The following LRP1B variants were observed in gnomAD, a reference collection of about 807,000 sequenced individuals.
The protein encoded by LRP1B is low-density lipoprotein receptor-related protein 1B.
Under a neutral mutation model 556.6 loss-of-function variants are expected in LRP1B, and 217 were observed. The observed-to-expected ratio is 0.39, with a 90% CI of 0.35 to 0.44. The LOEUF (loss-of-function observed/expected upper bound fraction) is 0.44, where lower values mean the gene tolerates loss of function less well. LRP1B is among the 20% of genes least tolerant of loss of function. LRP1B has a pLI of 1.00. For synonymous variants in LRP1B, 2,047 were observed against 1,865.8 expected (o/e 1.10, Z -2.50); for missense variants, 5,053 against 5,620.8 (o/e 0.90, Z 3.23).
intron 41 of LRP1B, among the ~76,000 whole-genome samples, chr2:140,639,234 A>T (rs997668615): frequency 5.3e-5 from 8 of 152,184 alleles, no homozygotes; most frequent in Admixed American, 5.2e-4. Flanking sequence ...CACTCCAAAA[A>T]AATCTTTGTA....
chr2:142,086,825 A>G (rs915989320), intron 1 of LRP1B, among the ~76,000 whole-genome samples: 7 of 152,198 alleles, frequency 4.6e-5, no homozygotes, highest in African/African-American at 1.7e-4. Context: ...AGTTGAAAAG[A>G]CTGAATACTG....
chr2:140,921,204 AT>A lies in LRP1B; in HGVS notation c.3319+1760del, dbSNP rs572715771. Among the ~76,000 whole-genome samples the A allele has an allele frequency of 3.3e-3, 508 of 151,956 alleles. 2 individuals are homozygous for A. Among genetic ancestry groups the A allele is most frequent in the African/African-American group, 0.01 (420 of 41,528 alleles). On this transcript the variant is annotated intron_variant, in intron 21 of 90. Coordinates refer to ENST00000389484, the MANE Select transcript of LRP1B (RefSeq NM_018557.3). ...TTACATTACTGTGAATCTCCTTATA[AT>A]TTATTTCTGTATAGAGAAATTGCAG...
intron 2 of LRP1B, among the ~76,000 whole-genome samples, chr2:141,684,626 C>T (rs151134962): frequency 2.6e-5 from 4 of 151,812 alleles, no homozygotes; most frequent in African/African-American, 2.4e-5. Flanking sequence ...AATTGAACAG[C>T]GAGAACTCTG....
chr2:141,301,221 T>C (rs1397733067), intron 3 of LRP1B, among the ~76,000 whole-genome samples: 1 of 152,182 alleles, frequency 6.6e-6, no homozygotes, highest in Non-Finnish European at 1.5e-5. Flanking sequence ...ATTCTAACAT[T>C]ACTCCATGTG....
In LRP1B at chr2:141,908,369, A is replaced by C. The variant is rs147060753; in HGVS notation, c.83-97968T>G. On this transcript the variant is annotated intron_variant, in intron 1 of 90. Coordinates refer to ENST00000389484, the MANE Select transcript of LRP1B (RefSeq NM_018557.3). The stretch of plus-strand genomic sequence containing the variant: ...AATTAAACCCACTGTATATTTTACT[A>C]AGCAGCAGTCTCTGTTCTGGACATT... Among the ~76,000 whole-genome samples the C allele has an allele frequency of 2.7e-3, 410 of 152,166 alleles. 1 individual carries two copies. The highest frequency in any genetic ancestry group is 9.1e-3 in the African/African-American group (379 of 41,548).
At chr2:140,542,106 A>C in intron 43 of LRP1B, 135 bp from the exon 44 acceptor site, 1 of 552,764 alleles carries the variant, frequency 1.8e-6, no homozygotes, top group Non-Finnish European at 3.1e-6. Flanking sequence ...TAAAAATAAA[A>C]TTTTACTAAA....
chr2:140,268,632 T>C (rs1308431603), intron 86 of LRP1B, among the ~76,000 whole-genome samples: 1 of 151,930 alleles, frequency 6.6e-6, no homozygotes, highest in African/African-American at 2.4e-5. Flanking sequence ...AAAAATAATT[T>C]CCATTGTCAT....
chr2:140,872,107 G>A (rs1693152830), intron 25 of LRP1B, among the ~76,000 whole-genome samples: 1 of 71,070 alleles, frequency 1.4e-5, no homozygotes, highest in Admixed American at 1.5e-4. Context: ...TTGAGCAAAA[G>A]TTTTTTTATT....
chr2:141,198,348 C>T (rs1179459977), intron 6 of LRP1B, among the ~76,000 whole-genome samples: 1 of 152,074 alleles, frequency 6.6e-6, no homozygotes, highest in South Asian at 2.1e-4. Context: ...AGGCTCTGTG[C>T]CACATTACAG....
chr2:141,533,520 A>T (rs1377214369), intron 2 of LRP1B, among the ~76,000 whole-genome samples: 3 of 152,190 alleles, frequency 2.0e-5, no homozygotes, highest in African/African-American at 7.2e-5. Context: ...GATAAATGCT[A>T]TTTACAAGTT....
intron 41 of LRP1B, among the ~76,000 whole-genome samples, chr2:140,653,131 C>T (rs1684749119): frequency 6.6e-6 from 1 of 151,914 alleles, no homozygotes. Flanking sequence ...ACATAGGATG[C>T]TATATGGAAT....
intron 1 of LRP1B, among the ~76,000 whole-genome samples, chr2:141,973,326 C>CT (rs1214576860): frequency 1.3e-5 from 2 of 151,464 alleles, no homozygotes; most frequent in Non-Finnish European, 3.0e-5. Context: ...TGTTTGGGTA[C>CT]TTTTTATTGA....
intron 2 of LRP1B, among the ~76,000 whole-genome samples, chr2:141,538,787 TG>T (rs1360748731): frequency 1.3e-5 from 2 of 152,108 alleles, no homozygotes; most frequent in Non-Finnish European, 2.9e-5. Flanking sequence ...TATAAGCATG[TG>T]CTACCACACC....
rs1213140908 is a variant in LRP1B, at chr2:141,153,313, A to G, written c.1013+35108T>C. ...TATTTATATATAATATATTATATATATTAGCTATATATATTTATATAATAA... is the reference window on the plus strand; with the variant it reads ...TATTTATATATAATATATTATATATGTTAGCTATATATATTTATATAATAA... On this transcript the variant is annotated intron_variant, in intron 7 of 90. Coordinates refer to ENST00000389484, the MANE Select transcript of LRP1B (RefSeq NM_018557.3). Among the ~76,000 whole-genome samples the G allele has an allele frequency of 2.7e-4, 32 of 120,700 alleles. No homozygotes were observed. The East Asian group carries it at 7.8e-3, about 29-fold the overall frequency. 79.2% of individuals were successfully genotyped at this position (120,700 alleles called of 152,430 possible).
chr2:141,995,596 G>A (rs1292900096), intron 1 of LRP1B, among the ~76,000 whole-genome samples: 1 of 152,038 alleles, frequency 6.6e-6, no homozygotes, highest in Non-Finnish European at 1.5e-5. Context: ...GGCATTTTCA[G>A]GAGGCCATTA....
intron 1 of LRP1B, among the ~76,000 whole-genome samples, chr2:141,875,863 A>T (rs1698741318): frequency 6.6e-6 from 1 of 151,938 alleles, no homozygotes; most frequent in Non-Finnish European, 1.5e-5. Flanking sequence ...ATGTATACTT[A>T]TATATGTTTT....
chr2:140,753,660 T>A (rs1026201100), intron 35 of LRP1B, among the ~76,000 whole-genome samples: 1 of 152,042 alleles, frequency 6.6e-6, no homozygotes, highest in African/African-American at 2.4e-5. Context: ...ACAATAAGAG[T>A]CTGTGGCACT....
intron 11 of LRP1B, among the ~76,000 whole-genome samples, chr2:141,034,406 A>G (rs1452958421): frequency 6.6e-6 from 1 of 152,020 alleles, no homozygotes; most frequent in Non-Finnish European, 1.5e-5. Flanking sequence ...AGAAACTACC[A>G]TCAGAGTGAA....
chr2:141,200,500 T>G (rs1440976926), intron 6 of LRP1B, among the ~76,000 whole-genome samples: 1 of 152,074 alleles, frequency 6.6e-6, no homozygotes, highest in Non-Finnish European at 1.5e-5. Flanking sequence ...AAATAATATC[T>G]GATATAGTCA....
Sources: allele counts gnomAD v4.1 joint callset (sites outside exome capture counted in the v4.1 genomes callset), GRCh38; gene constraint gnomAD v4.1.1; transcripts MANE v1.5; gene names NCBI Gene and HGNC (gene_info 2026-07-23, HGNC 2026-07-21).